The following RER1 variants were observed in gnomAD, a reference collection of about 807,000 sequenced individuals.
RER1 encodes protein RER1.
A neutral mutation model predicts 28.3 loss-of-function variants in RER1; 6 were observed. The observed-to-expected ratio is 0.21, with a 90% CI of 0.12 to 0.42. RER1 has a LOEUF of 0.42. Ranked by LOEUF, RER1 falls within the 10% of genes least tolerant of loss-of-function variation. The pLI is 1.00. For synonymous variants in RER1, 110 were observed against 95.9 expected, an observed-to-expected ratio of 1.15 and a Z score of -0.86; for missense variants, 159 against 252.9, an observed-to-expected ratio of 0.63 and a Z score of 2.52.
chr1:2,402,961 C>A, intron 6 of RER1, 74 bp from the exon 7 acceptor site: 1 of 1,272,094 alleles, frequency 7.9e-7, no homozygotes, highest in Non-Finnish European at 1.1e-6. Context: ...GACCTTTGGC[C>A]GCTCAGATTT....
At chr1:2,392,065 G>T in intron 1 of RER1, 107 bp downstream of exon 1, 1 of 151,702 alleles carries the variant, frequency 6.6e-6, no homozygotes, top group South Asian at 2.0e-4. Context: ...GGGCCGGGCG[G>T]GGAGGGCCGT....
chr1:2,393,228 A>G (rs2100394428), intron 1 of RER1: 1 of 152,158 alleles, frequency 6.6e-6, no homozygotes, highest in African/African-American at 2.4e-5. Flanking sequence ...GTCACCTTCA[A>G]CAGGTAATTG....
chr1:2,391,842 A>G lies in RER1; in HGVS notation c.-124A>G. ...GCGGCGCCGCGGAGGACGGAGCGGA[A>G]GTGCTCGCTGCAGCTTCCCGGAGCC... On this transcript the variant is annotated 5_prime_UTR_variant, in exon 1 of 7. Transcript: ENST00000605895. The G allele has an allele frequency of 2.9e-6, 1 of 339,478 alleles. No individual in the cohort carries two copies. Among genetic ancestry groups the G allele is most frequent in the East Asian group, 4.6e-5 (1 of 21,750 alleles). 21.0% of individuals were successfully genotyped at this position (339,478 alleles called of 1,614,324 possible).
In RER1 at chr1:2,402,332, G is replaced by A. The variant is rs1642877072; in HGVS notation, c.491G>A (p.Arg164Lys). 2 of 1,614,088 alleles carry A rather than the reference G, an allele frequency of 1.2e-6. No homozygotes were observed. The highest frequency in any genetic ancestry group is 1.3e-5 in the African/African-American group (1 of 74,944). The change falls in exon 6 of 7, where the codon AGG (arginine) becomes AAG (lysine). Residue 164 changes from arginine (R) to lysine (K), a missense_variant. Transcript: ENST00000605895. ...FIMLFCITMK[R>K]QIKHMIKYRY... ...ATGCTCTTCTGTATCACGATGAAGA[G>A]GCAAATCAAGGTAAAGCAGAGGCGC...
intron 1 of RER1, among the ~76,000 whole-genome samples, chr1:2,393,504 GAGGGCTGGCCCTGATCCAGGAAC>G (rs1642722955): frequency 6.6e-6 from 1 of 152,214 alleles, no homozygotes; most frequent in African/African-American, 2.4e-5. Context: ...CAGCTGGTGT[GAGGGCTGGCCCTGATCCAGGAAC>G]AGGGCTGGCA....
intron 1 of RER1, chr1:2,395,001 G>C (rs772828775): frequency 1.3e-5 from 2 of 152,350 alleles, no homozygotes; most frequent in Non-Finnish European, 1.5e-5. Flanking sequence ...TGGCAGTCAG[G>C]CTTGGCTTGG....
chr1:2,392,795 AAC>A (rs1642704285), intron 1 of RER1, among the ~76,000 whole-genome samples: 1 of 152,220 alleles, frequency 6.6e-6, no homozygotes, highest in Admixed American at 6.5e-5. Flanking sequence ...CGACGGCGGT[AAC>A]AGTGTGTCAG....
intron 1 of RER1, 147 bp from the exon 2 acceptor site, chr1:2,395,637 G>T: frequency 1.5e-6 from 1 of 659,574 alleles, no homozygotes; most frequent in Admixed American, 2.4e-5. Flanking sequence ...ACTTTTTCCC[G>T]AACAATTCAT....
intron 2 of RER1, among the ~76,000 whole-genome samples, chr1:2,396,844 G>C (rs1388057475): frequency 6.6e-6 from 1 of 152,190 alleles, no homozygotes; most frequent in Non-Finnish European, 1.5e-5. Flanking sequence ...TGATCCCTTG[G>C]GGCCAGCACA....
chr1:2,400,890 A>G lies in RER1; in HGVS notation c.320A>G (p.Glu107Gly). Reference sequence around the variant, plus strand: ...CCTTCGCTACCCACCAAACAGAACGAGGAATTCCGCCCCTTCATTCGAAGG... The same window carrying G: ...CCTTCGCTACCCACCAAACAGAACGGGGAATTCCGCCCCTTCATTCGAAGG... ...DGPSLPTKQN[E>G]EFRPFIRRLP... Residue 107 changes from glutamate (E) to glycine (G), a missense_variant, in exon 5 of 7, where the codon GAG (glutamate) becomes GGG (glycine). Transcript: ENST00000605895. 1 of 1,614,120 alleles carries G rather than the reference A, an allele frequency of 6.2e-7. No individual in the cohort carries two copies. The highest frequency in any genetic ancestry group is 8.5e-7 in the Non-Finnish European group (1 of 1,179,994).
intron 1 of RER1, among the ~76,000 whole-genome samples, chr1:2,392,273 C>T (rs922633481): frequency 6.6e-6 from 1 of 152,132 alleles, no homozygotes; most frequent in African/African-American, 2.4e-5. Flanking sequence ...TCGTCCGCAT[C>T]CCCTGCTTGG....
rs551866811 is a variant in RER1 at position 2,398,688 on chromosome 1, A to C, written c.187-727A>C. Among the ~76,000 whole-genome samples the C allele has an allele frequency of 1.4e-4, 21 of 152,316 alleles. No homozygotes were observed. In the South Asian group the frequency reaches 1.7e-3, roughly 12 times the overall value. ...GCAGGCGTGAGCCACCACACCCGAC[A>C]GAAATTTAAGGCTTTTGAAATTGAG... is the stretch of plus-strand genomic sequence containing the variant. On this transcript the variant is annotated intron_variant, in intron 3 of 6. Transcript: ENST00000605895.
chr1:2,397,182 C>T lies in RER1; in HGVS notation c.148C>T (p.Leu50=), dbSNP rs1333874357. The change falls in exon 3 of 7, where the codon CTG becomes TTG. Residue 50 remains leucine, a synonymous_variant. Transcript: ENST00000605895. The part of the protein sequence containing the change: ...TAVRWVVTLG[L]SFVYMIRVYL... Reference sequence around the variant, plus strand: ...TGTGCGATGGGTCGTGACACTGGGCCTGAGCTTTGTCTACATGATTCGAGT... The same window carrying T: ...TGTGCGATGGGTCGTGACACTGGGCTTGAGCTTTGTCTACATGATTCGAGT... 1.2e-6 allele frequency: 2 copies of T among 1,614,080 alleles called. No homozygotes were observed. The highest frequency in any genetic ancestry group is 1.7e-6 in the Non-Finnish European group (2 of 1,179,946).
At chr1:2,402,517 C>T (rs912578881) in intron 6 of RER1, among the ~76,000 whole-genome samples, 175 bp downstream of exon 6, 6 of 152,026 alleles carry the variant, frequency 3.9e-5, no homozygotes, top group Non-Finnish European at 8.8e-5. Context: ...CCAGCACGGC[C>T]GGCTAACTAA....
At chr1:2,392,702 A>G (rs1461917816) in intron 1 of RER1, among the ~76,000 whole-genome samples, 1 of 152,214 alleles carries the variant, frequency 6.6e-6, no homozygotes, top group Non-Finnish European at 1.5e-5. Flanking sequence ...TCCCAGGAAG[A>G]TGCAGTTATC....
chr1:2,399,163 A>G (rs143652855), intron 3 of RER1, among the ~76,000 whole-genome samples: 1 of 152,056 alleles, frequency 6.6e-6, no homozygotes, highest in African/African-American at 2.4e-5. Flanking sequence ...GTCTAACTGG[A>G]CCCTTGAAGA....
chr1:2,393,869 G>A (rs1037366791), intron 1 of RER1: 1 of 152,230 alleles, frequency 6.6e-6, no homozygotes, highest in Non-Finnish European at 1.5e-5. Flanking sequence ...TTGGCTGATG[G>A]CGTTTTGAGT....
rs1246158666 is a variant in RER1, at chr1:2,404,754, G to T, written c.*1630G>T. On this transcript the variant is annotated 3_prime_UTR_variant, in exon 7 of 7. Coordinates refer to ENST00000605895, the MANE Select transcript of RER1 (RefSeq NM_007033.5). ...GCAGGGAAATGTGGCACACGCCCTC[G>T]AGGCATTTTAACACTGCGCTTCAGG... 6.6e-6 allele frequency: 1 copy of T among 152,306 alleles called. No individual in the cohort carries two copies. Among genetic ancestry groups the T allele is most frequent in the Non-Finnish European group, 1.5e-5 (1 of 68,056 alleles). The allele number at this position is 152,306 out of a possible 1,614,324, so 9.4% of individuals were successfully genotyped here. A position where few individuals can be genotyped will look rare whatever the true frequency, so the allele number is the denominator to read the frequency against.
Position 2,395,939 on chromosome 1 carries a change from G to C in RER1, c.81+68G>C, listed in dbSNP as rs1642762170. Reference sequence around the variant, plus strand: ...GAAACGGGACTCCCAGCATTTTCGGGAAGGATCTGTTTGCTGGTGTTCCTG... The same window carrying C: ...GAAACGGGACTCCCAGCATTTTCGGCAAGGATCTGTTTGCTGGTGTTCCTG... On this transcript the variant is annotated intron_variant, in intron 2 of 6. Transcript: ENST00000605895. The C allele has an allele frequency of 3.2e-6, 4 of 1,237,404 alleles. No individual in the cohort carries two copies. The African/African-American group carries it at 4.4e-5, about 14-fold the overall frequency. 76.7% of individuals were successfully genotyped at this position (1,237,404 alleles called of 1,614,324 possible). A position where few individuals can be genotyped will look rare whatever the true frequency, so the allele number is the denominator to read the frequency against.
Sources: allele counts gnomAD v4.1 joint callset (sites outside exome capture counted in the v4.1 genomes callset), GRCh38; gene constraint gnomAD v4.1.1; transcripts MANE v1.5; gene names NCBI Gene and HGNC (gene_info 2026-07-23, HGNC 2026-07-21).